The following APBB2 variants were observed in gnomAD, a reference collection of about 807,000 sequenced individuals.
APBB2 encodes amyloid beta precursor protein binding family B member 2.
In APBB2, 38 loss-of-function variants were observed where a neutral mutation model predicts 82.5. That is an observed-to-expected ratio of 0.46 (90% CI 0.36 to 0.60). The LOEUF (loss-of-function observed/expected upper bound fraction) is 0.60. Among genes scored for constraint, APBB2 ranks in the 20% least tolerant of loss-of-function variants. The pLI, the probability that APBB2 is intolerant of heterozygous loss-of-function variation, is 0.00. For missense variants in APBB2, 772 were observed against 972.3 expected (o/e 0.79, Z 2.74); for synonymous variants, 341 against 368.2 (o/e 0.93, Z 0.85).
Position 41,127,779 on chromosome 4 carries a change from G to A in APBB2, c.-261+15208C>T, listed in dbSNP as rs1335080855. On this transcript the variant is annotated intron_variant, in intron 2 of 17. Transcript: ENST00000508593. The surrounding 1 kb of genome is among the most constrained non-coding windows in gnomAD (Gnocchi z 4.8). ...GTGGATTACCTGAGGTCAGGAGTTC[G>A]AGACCAGCCTGGCCAAAAGGCCAGG... is the stretch of plus-strand genomic sequence containing the variant. Among the ~76,000 whole-genome samples the A allele has an allele frequency of 3.3e-5, 5 of 152,102 alleles. No homozygotes were observed. Among genetic ancestry groups the A allele is most frequent in the African/African-American group, 7.2e-5 (3 of 41,424 alleles).
At chr4:40,913,406 C>T (rs1473156689) in intron 10 of APBB2, among the ~76,000 whole-genome samples, 1 of 152,228 alleles carries the variant, frequency 6.6e-6, no homozygotes, top group Non-Finnish European at 1.5e-5. Flanking sequence ...GTACTCTCTA[C>T]CCTAAAATGT....
chr4:40,838,623 C>G (rs191388023), intron 12 of APBB2, among the ~76,000 whole-genome samples: 3 of 152,148 alleles, frequency 2.0e-5, no homozygotes, highest in Admixed American at 6.5e-5. Flanking sequence ...GCGTGAGCCA[C>G]GCGCCTTGCC....
intron 1 of APBB2, among the ~76,000 whole-genome samples, chr4:41,201,119 T>C (rs912658160): frequency 6.6e-6 from 1 of 152,206 alleles, no homozygotes; most frequent in Non-Finnish European, 1.5e-5. Flanking sequence ...GAGGGCTCAT[T>C]AAACACTGAC....
chr4:41,183,792 T>C (rs78130088), intron 1 of APBB2, among the ~76,000 whole-genome samples: 6,308 of 151,168 alleles, frequency 0.042, 141 homozygotes, highest in Middle Eastern at 0.058. Flanking sequence ...CACCAAGAAG[T>C]TGTTTCATGG....
intron 3 of APBB2, chr4:41,084,476 TTAAG>T (rs1332486004): frequency 6.6e-6 from 1 of 152,170 alleles, no homozygotes; most frequent in African/African-American, 2.4e-5. Flanking sequence ...AATGTAAGTT[TTAAG>T]TAAGAATTTC....
intron 1 of APBB2, among the ~76,000 whole-genome samples, chr4:41,201,988 C>T (rs17660753): frequency 6.6e-6 from 1 of 152,144 alleles, no homozygotes; most frequent in African/African-American, 2.4e-5. Flanking sequence ...GTGACTTCCC[C>T]GCTCCTCGGA....
At chr4:40,949,342 C>T (rs1560361443) in intron 6 of APBB2, among the ~76,000 whole-genome samples, 3 of 152,098 alleles carry the variant, frequency 2.0e-5, no homozygotes, top group African/African-American at 7.2e-5. Flanking sequence ...TCTTTTCAAC[C>T]ACAGCAGCAC....
intron 6 of APBB2, among the ~76,000 whole-genome samples, chr4:40,982,390 GGAAAGGAAA>G (rs1231569890): frequency 5.0e-4 from 6 of 11,908 alleles, no homozygotes; most frequent in African/African-American, 1.4e-3. Context: ...AAGGAAGGAA[GGAAAGGAAA>G]GGAAAGAAAG....
intron 12 of APBB2, among the ~76,000 whole-genome samples, chr4:40,844,363 A>G (rs139684937): frequency 6.6e-6 from 1 of 152,334 alleles, no homozygotes; most frequent in African/African-American, 2.4e-5. Context: ...ATAAGCATGA[A>G]GTTAAATGGG....
At chr4:40,990,710 T>G (rs1026368501) in intron 6 of APBB2, among the ~76,000 whole-genome samples, 2 of 152,200 alleles carry the variant, frequency 1.3e-5, no homozygotes, top group Non-Finnish European at 2.9e-5. Context: ...AGTGTGTCCA[T>G]ATGAGCAAAG....
At chr4:40,958,783 T>C (rs1241118464) in intron 6 of APBB2, among the ~76,000 whole-genome samples, 1 of 152,166 alleles carries the variant, frequency 6.6e-6, no homozygotes, top group East Asian at 1.9e-4. Context: ...TTTTTAAATT[T>C]TTTGTAGAGA....
chr4:40,863,975 T>C (rs957258446), intron 12 of APBB2, among the ~76,000 whole-genome samples: 16 of 148,660 alleles, frequency 1.1e-4, no homozygotes, highest in Non-Finnish European at 1.8e-4. Context: ...AAGCACCATG[T>C]AGGCTGGGTG....
At position 41,040,939 on chromosome 4, in the gene APBB2, G is replaced by C. The variant is rs572449923; in HGVS notation, c.-50-7635C>G. Among the ~76,000 whole-genome samples the C allele has an allele frequency of 1.7e-4, 26 of 152,210 alleles. 1 individual carries two copies. The highest frequency in any genetic ancestry group is 1.4e-3 in the Admixed American group (22 of 15,286). Reference sequence around the variant, plus strand: ...TCTGTCGCCCAGGCTGGAGTGCAGTGTCGCAATCTCGGCTCACTGCAAGCT... The same window carrying C: ...TCTGTCGCCCAGGCTGGAGTGCAGTCTCGCAATCTCGGCTCACTGCAAGCT... On this transcript the variant is annotated intron_variant, in intron 4 of 17. Coordinates refer to ENST00000508593, the MANE Select transcript of APBB2 (RefSeq NM_004307.2).
At chr4:40,983,560 G>A (rs562137248) in intron 6 of APBB2, among the ~76,000 whole-genome samples, 5 of 144,718 alleles carry the variant, frequency 3.5e-5, no homozygotes, top group South Asian at 4.6e-4. Context: ...GTTTCTTAAC[G>A]AAGAGTCCTG....
rs140297504 is a variant in APBB2, at chr4:41,162,255, T to C, written c.-416-19113A>G. 3.8e-4 allele frequency among the ~76,000 whole-genome samples: 58 copies of C among 151,854 alleles called. No homozygotes were observed. In the East Asian group the frequency reaches 0.01, roughly 26 times the overall value. On this transcript the variant is annotated intron_variant, in intron 1 of 17. Transcript: ENST00000508593. Reference sequence around the variant, plus strand: ...TCACAATCTATACATAGATTGTGTATTGAATCACAGTCTACACATAGCAAC... The same window carrying C: ...TCACAATCTATACATAGATTGTGTACTGAATCACAGTCTACACATAGCAAC...
In APBB2 at chr4:40,945,083, TGGGGG is replaced by T; in HGVS notation, c.836-15_836-11del. 1.0e-5 allele frequency: 7 copies of T among 668,192 alleles called. No individual in the cohort carries two copies. The highest frequency in any genetic ancestry group is 1.5e-5 in the Non-Finnish European group (7 of 468,662). The allele number at this position is 668,192 out of a possible 1,614,324, so 41.4% of individuals were successfully genotyped here. A position where few individuals can be genotyped will look rare whatever the true frequency, so the allele number is the denominator to read the frequency against. On this transcript the variant is annotated splice_polypyrimidine_tract_variant and intron_variant, in intron 6 of 17. Coordinates refer to ENST00000508593, the MANE Select transcript of APBB2 (RefSeq NM_004307.2). Reference sequence around the variant, plus strand: ...TCACTCCATATATCTGCTGAAAAATTGGGGGGCGGGGCGGGGGGAGAAAGAGAGAA... The same window carrying T: ...TCACTCCATATATCTGCTGAAAAATTGCGGGGCGGGGGGAGAAAGAGAGAA...
At chr4:41,105,779 A>G (rs185337512) in intron 2 of APBB2, among the ~76,000 whole-genome samples, 10,683 of 151,848 alleles carry the variant, frequency 0.07, 530 homozygotes, top group Non-Finnish European at 0.1. Context: ...CCAGCTACTC[A>G]GGAGGCTGAG....
intron 10 of APBB2, among the ~76,000 whole-genome samples, chr4:40,921,734 G>GA (rs1428305150): frequency 3.3e-5 from 5 of 152,190 alleles, no homozygotes; most frequent in South Asian, 2.1e-4. Flanking sequence ...GCTCGTAACT[G>GA]AAAAAAGCAT....
chr4:40,954,503 C>T (rs1467305243), intron 6 of APBB2, among the ~76,000 whole-genome samples: 4 of 152,102 alleles, frequency 2.6e-5, no homozygotes, highest in East Asian at 1.9e-4. Context: ...ACTGCACACC[C>T]GGCCTAAGAC....
Sources: gnomAD v4.1 joint callset for allele counts (sites outside exome capture counted in the v4.1 genomes callset) on GRCh38, gnomAD v4.1.1 for gene constraint, Gnocchi (gnomAD v3.1) non-coding constraint, MANE v1.5 for transcripts, NCBI Gene and HGNC (gene_info 2026-07-23, HGNC 2026-07-21) for gene names.